HS3ST5: variants seen among roughly 807,000 people sequenced by gnomAD.
HS3ST5 encodes the protein heparan sulfate-glucosamine 3-sulfotransferase 5.
Under a neutral mutation model 25.4 loss-of-function variants are expected in HS3ST5, and 10 were observed. That is an observed-to-expected ratio of 0.39 (90% CI 0.24 to 0.67). The LOEUF is 0.67. Among genes scored for constraint, HS3ST5 ranks in the 30% least tolerant of loss-of-function variants. The pLI is 0.44. For synonymous variants in HS3ST5, 170 were observed against 162.4 expected, an observed-to-expected ratio of 1.05 and a Z score of -0.36; for missense variants, 324 against 420.7, an observed-to-expected ratio of 0.77 and a Z score of 2.01.
At chr6:114,278,215 T>A (rs1435285173) in intron 1 of HS3ST5, among the ~76,000 whole-genome samples, 1 of 152,012 alleles carries the variant, frequency 6.6e-6, no homozygotes, top group Non-Finnish European at 1.5e-5. Flanking sequence ...ATGAACACCA[T>A]GCTGTAATAA....
intron 2 of HS3ST5, among the ~76,000 whole-genome samples, chr6:114,173,867 C>CAA (rs1779590243): frequency 6.6e-6 from 1 of 151,952 alleles, no homozygotes; most frequent in African/African-American, 2.4e-5. Flanking sequence ...TCAAACAAAA[C>CAA]AAAACAAAAA....
intron 1 of HS3ST5, among the ~76,000 whole-genome samples, chr6:114,260,083 T>C (rs1160414935): frequency 6.6e-6 from 1 of 152,166 alleles, no homozygotes. Context: ...TGATAGTTCA[T>C]GTAACAAAAT....
intron 1 of HS3ST5, among the ~76,000 whole-genome samples, chr6:114,277,170 C>T (rs1467294040): frequency 6.6e-6 from 1 of 151,130 alleles, no homozygotes; most frequent in East Asian, 2.0e-4. Flanking sequence ...CAAATATTTG[C>T]AGAATCACTT....
chr6:114,062,301 G>C (rs937926451), intron 4 of HS3ST5, among the ~76,000 whole-genome samples: 1 of 152,146 alleles, frequency 6.6e-6, no homozygotes, highest in Non-Finnish European at 1.5e-5. Flanking sequence ...TTGCAAACTC[G>C]ATGAGCTCCT....
chr6:114,140,600 T>C (rs1334973389), intron 3 of HS3ST5, among the ~76,000 whole-genome samples: 4 of 152,196 alleles, frequency 2.6e-5, no homozygotes, highest in Non-Finnish European at 5.9e-5. Context: ...CTGACTCTTT[T>C]CTACCCTCAC....
At chr6:114,265,494 GGGTCA>G (rs999811117) in intron 1 of HS3ST5, among the ~76,000 whole-genome samples, 1 of 152,124 alleles carries the variant, frequency 6.6e-6, no homozygotes, top group African/African-American at 2.4e-5. Context: ...GGGAGAGCCT[GGGTCA>G]AGTTTGAAGA....
chr6:114,097,015 C>G (rs1318591001), intron 3 of HS3ST5, among the ~76,000 whole-genome samples: 2 of 151,926 alleles, frequency 1.3e-5, no homozygotes, highest in Non-Finnish European at 2.9e-5. Context: ...TCATTGCACT[C>G]AATTTCTTTG....
chr6:114,227,958 AG>A (rs1771383831), intron 2 of HS3ST5, among the ~76,000 whole-genome samples: 2 of 152,124 alleles, frequency 1.3e-5, no homozygotes, highest in Admixed American at 1.3e-4. Context: ...AACTCAAATT[AG>A]GGGAGTCAAA....
chr6:114,276,296 G>T (rs1412680323), intron 1 of HS3ST5, among the ~76,000 whole-genome samples: 2 of 151,844 alleles, frequency 1.3e-5, no homozygotes, highest in African/African-American at 4.8e-5. Flanking sequence ...AGAGTACTAC[G>T]CTGTAAAAGA....
intron 1 of HS3ST5, among the ~76,000 whole-genome samples, chr6:114,321,160 C>G (rs1337432961): frequency 1.3e-5 from 2 of 152,032 alleles, no homozygotes; most frequent in East Asian, 1.9e-4. Context: ...TTATATTTTT[C>G]CCTCATATAG....
At chr6:114,237,148 G>A (rs1771896270) in intron 1 of HS3ST5, among the ~76,000 whole-genome samples, 1 of 152,164 alleles carries the variant, frequency 6.6e-6, no homozygotes, top group Non-Finnish European at 1.5e-5. Context: ...GAAAGGCAAG[G>A]AGGTAAACAA....
intron 1 of HS3ST5, among the ~76,000 whole-genome samples, chr6:114,298,257 T>C (rs1774913915): frequency 6.6e-6 from 1 of 152,232 alleles, no homozygotes. Context: ...TATCTAGCAC[T>C]GTTCATATTC....
chr6:114,290,607 T>C (rs1774532797), intron 1 of HS3ST5, among the ~76,000 whole-genome samples: 1 of 152,134 alleles, frequency 6.6e-6, no homozygotes, highest in Admixed American at 6.5e-5. Context: ...CCTAGGAGAA[T>C]TCACACTACT....
chr6:114,142,364 C>T (rs1375558029), intron 3 of HS3ST5, among the ~76,000 whole-genome samples: 1 of 152,132 alleles, frequency 6.6e-6, no homozygotes, highest in Non-Finnish European at 1.5e-5. Context: ...AATAAAGTAA[C>T]ATCAGAAAGT....
chr6:114,230,768 T>G (rs1771548925), intron 1 of HS3ST5, among the ~76,000 whole-genome samples: 1 of 151,886 alleles, frequency 6.6e-6, no homozygotes, highest in Non-Finnish European at 1.5e-5. Flanking sequence ...TTTTGTATTT[T>G]TAATAGAGAC....
chr6:114,082,618 T>G (rs1015654395), intron 3 of HS3ST5, among the ~76,000 whole-genome samples: 19 of 152,234 alleles, frequency 1.2e-4, no homozygotes, highest in Non-Finnish European at 2.5e-4. Context: ...TATTCAGTAA[T>G]ACTACTGCAG....
chr6:114,228,470 TC>T (rs1246897163), intron 2 of HS3ST5, 114 bp downstream of exon 2: 1 of 152,168 alleles, frequency 6.6e-6, no homozygotes, highest in Non-Finnish European at 1.5e-5. Context: ...TGGATAGTTT[TC>T]TTACATTTAA....
chr6:114,068,489 A>G (rs890349537), intron 3 of HS3ST5, among the ~76,000 whole-genome samples: 9 of 152,172 alleles, frequency 5.9e-5, no homozygotes, highest in Admixed American at 6.6e-5. Context: ...AAGCATTTGA[A>G]TCTGCCAGGA....
At chr6:114,110,081 C>CCATTTATATATACACA (rs1776191688) in intron 3 of HS3ST5, among the ~76,000 whole-genome samples, 2 of 152,150 alleles carry the variant, frequency 1.3e-5, no homozygotes, top group Non-Finnish European at 2.9e-5. Context: ...TACAGTGATG[C>CCATTTATATATACACA]CATTTACATA....
Sources: allele counts gnomAD v4.1 joint callset (sites outside exome capture counted in the v4.1 genomes callset), GRCh38; gene constraint gnomAD v4.1.1; transcripts MANE v1.5; gene names NCBI Gene and HGNC (gene_info 2026-07-23, HGNC 2026-07-21).